The following DLGAP4 variants were observed in gnomAD, a reference collection of about 807,000 sequenced individuals.
DLGAP4 encodes disks large-associated protein 4.
In DLGAP4, 18 loss-of-function variants were observed where a neutral mutation model predicts 86.9. The ratio of observed to expected loss-of-function variants is 0.21; its 90% CI spans 0.14 to 0.31. DLGAP4 has a LOEUF of 0.31. Ranked by LOEUF, DLGAP4 falls within the 10% of genes least tolerant of loss-of-function variation. DLGAP4 has a pLI of 1.00. For missense variants in DLGAP4, 1,085 were observed against 1,362.6 expected, an observed-to-expected ratio of 0.80 and a Z score of 3.21; for synonymous variants, 548 against 574.3, an observed-to-expected ratio of 0.95 and a Z score of 0.65.
intron 7 of DLGAP4, among the ~76,000 whole-genome samples, chr20:36,467,064 C>CTCTCTCTCTCTCTCTCTCTCTCTCTCT (rs1555907464): frequency 8.5e-6 from 1 of 118,144 alleles, no homozygotes; most frequent in African/African-American, 4.9e-5. Flanking sequence ...CTCTCTCTCT[C>CTCTCTCTCTCTCTCTCTCTCTCTCTCT]CCCCCCCCTT....
rs1286692479 is a variant in DLGAP4, at chr20:36,486,817, G to A, written c.1649-9888G>A. ...AGTAGAGGCGGGGTTTCACCATGTTGGCCAGGCTGGTCTCAAACTCCTGAC... is the reference window on the plus strand; with the variant it reads ...AGTAGAGGCGGGGTTTCACCATGTTAGCCAGGCTGGTCTCAAACTCCTGAC... On this transcript the variant is annotated intron_variant, in intron 7 of 12. Transcript: ENST00000339266. 3.5e-4 allele frequency among the ~76,000 whole-genome samples: 53 copies of A among 152,040 alleles called. 1 individual carries two copies. Among genetic ancestry groups the A allele is most frequent in the Middle Eastern group, 3.4e-3 (1 of 294 alleles).
At chr20:36,487,426 G>A (rs1051289314) in intron 7 of DLGAP4, among the ~76,000 whole-genome samples, 7 of 152,168 alleles carry the variant, frequency 4.6e-5, no homozygotes, top group Admixed American at 3.9e-4. Context: ...CAGGAAGAAG[G>A]TGCCTCTGTT....
In DLGAP4 at chr20:36,482,734, T is replaced by C. The variant is rs561127919; in HGVS notation, c.1649-13971T>C. On this transcript the variant is annotated intron_variant, in intron 7 of 12. Coordinates refer to ENST00000339266, the MANE Select transcript of DLGAP4 (RefSeq NM_001365621.2). Reference sequence around the variant, plus strand: ...TTGTCCAGGCTGGAGTGCAGTGGCATGATCTTGGTTCACTACAACCTCTGT... The same window carrying C: ...TTGTCCAGGCTGGAGTGCAGTGGCACGATCTTGGTTCACTACAACCTCTGT... Among the ~76,000 whole-genome samples the C allele has an allele frequency of 2.6e-3, 399 of 152,262 alleles. 1 individual carries two copies. The highest frequency in any genetic ancestry group is 6.8e-3 in the Middle Eastern group (2 of 294).
At chr20:36,315,750 C>T (rs908295454) in intron 1 of DLGAP4, among the ~76,000 whole-genome samples, 33 of 152,118 alleles carry the variant, frequency 2.2e-4, no homozygotes, top group Non-Finnish European at 4.1e-4. Flanking sequence ...CAGAAGGTTC[C>T]AGAGCAGGGC....
At chr20:36,526,680 G>C in intron 12 of DLGAP4, 133 bp from the exon 13 acceptor site, 1 of 789,192 alleles carries the variant, frequency 1.3e-6, no homozygotes, top group Non-Finnish European at 2.0e-6. Flanking sequence ...CTGATTCCAA[G>C]TGTGTGTTGC....
chr20:36,521,969 C>T (rs1219773029), intron 10 of DLGAP4, among the ~76,000 whole-genome samples: 6 of 152,064 alleles, frequency 3.9e-5, no homozygotes, highest in Admixed American at 2.0e-4. Flanking sequence ...TTGTGAGAGA[C>T]GGGCCAGGAC....
intron 2 of DLGAP4, among the ~76,000 whole-genome samples, chr20:36,405,095 A>G (rs937129342): frequency 6.6e-6 from 1 of 152,158 alleles, no homozygotes; most frequent in Non-Finnish European, 1.5e-5. Flanking sequence ...TGGGCTAGAG[A>G]TGCTGCCACA....
chr20:36,372,214 C>T (rs1031704186), intron 2 of DLGAP4, among the ~76,000 whole-genome samples: 1 of 152,234 alleles, frequency 6.6e-6, no homozygotes, highest in Non-Finnish European at 1.5e-5. Flanking sequence ...CCTGACGGTG[C>T]TGCTGCTGTT....
At chr20:36,446,639 G>A (rs6012603) in intron 6 of DLGAP4, 58 bp from the exon 7 acceptor site, 34 of 1,520,330 alleles carry the variant, frequency 2.2e-5, no homozygotes, top group East Asian at 4.6e-5. Context: ...ACCAAGAACC[G>A]CTCCCCCCAG....
In DLGAP4 at chr20:36,526,868, C is replaced by T. The variant is rs116706769; in HGVS notation, c.2816C>T (p.Ala939Val). Residue 939 changes from alanine to valine, a missense_variant, in exon 13 of 13, where the codon GCA (alanine) becomes GTA (valine). Coordinates refer to ENST00000339266, the MANE Select transcript of DLGAP4 (RefSeq NM_001365621.2). ...AAGAAGCCAGCCAAATCCAAGCCGG[C>T]AGTGAGCCGCGACAAGGCCTCAGAC... ...VPKKPAKSKPAVSRDKASDAS... is the reference protein window; with the variant it reads ...VPKKPAKSKPVVSRDKASDAS... The T allele has an allele frequency of 2.1e-4, 331 of 1,612,544 alleles. 1 individual carries two copies. The East Asian group carries it at 6.4e-3, about 31-fold the overall frequency.
intron 7 of DLGAP4, among the ~76,000 whole-genome samples, chr20:36,455,494 C>A (rs2033857111): frequency 6.6e-6 from 1 of 152,200 alleles, no homozygotes; most frequent in South Asian, 2.1e-4. Context: ...CTTGGGCTCA[C>A]TCCCTGACAG....
At chr20:36,450,264 G>C (rs1479258043) in intron 7 of DLGAP4, among the ~76,000 whole-genome samples, 1 of 152,116 alleles carries the variant, frequency 6.6e-6, no homozygotes, top group African/African-American at 2.4e-5. Flanking sequence ...TTGGGAGGCC[G>C]AGGCAGGTGG....
chr20:36,447,932 A>C (rs1600543412), intron 7 of DLGAP4, among the ~76,000 whole-genome samples: 2 of 146,268 alleles, frequency 1.4e-5, no homozygotes, highest in African/African-American at 2.5e-5. Flanking sequence ...GAGGGAGAGC[A>C]TTAGGACAAA....
Position 36,528,198 on chromosome 20 carries a change from A to C in DLGAP4, c.*1167A>C, listed in dbSNP as rs1314647239. 2 of 130,148 alleles carry C rather than the reference A, an allele frequency of 1.5e-5. No individual in the cohort carries two copies. Among genetic ancestry groups the C allele is most frequent in the African/African-American group, 3.1e-5 (1 of 32,566 alleles). The allele number at this position is 130,148 out of a possible 1,614,324, so 8.1% of individuals were successfully genotyped here. Reference sequence around the variant, plus strand: ...CGCACTCCTAAGGGCCCATCTGCCCAGCCTCTGAGTTTTCTGTTCTATTTT... The same window carrying C: ...CGCACTCCTAAGGGCCCATCTGCCCCGCCTCTGAGTTTTCTGTTCTATTTT... On this transcript the variant is annotated 3_prime_UTR_variant, in exon 13 of 13. Transcript: ENST00000339266.
At chr20:36,465,929 T>C (rs999955475) in intron 7 of DLGAP4, among the ~76,000 whole-genome samples, 1 of 151,982 alleles carries the variant, frequency 6.6e-6, no homozygotes, top group Non-Finnish European at 1.5e-5. Context: ...AAATGCCACC[T>C]CCCCCAGGAA....
intron 10 of DLGAP4, among the ~76,000 whole-genome samples, chr20:36,513,629 T>C (rs924241326): frequency 1.1e-4 from 17 of 151,532 alleles, no homozygotes; most frequent in Admixed American, 3.3e-4. Context: ...GTACCTTCCA[T>C]TGGCACACAA....
At chr20:36,426,364 A>G (rs2147528505) in intron 2 of DLGAP4, among the ~76,000 whole-genome samples, 1 of 152,150 alleles carries the variant, frequency 6.6e-6, no homozygotes, top group South Asian at 2.1e-4. Context: ...AAAATACAAA[A>G]ATTAGCTGGG....
At chr20:36,455,083 C>G (rs1000450058) in intron 7 of DLGAP4, among the ~76,000 whole-genome samples, 3 of 152,104 alleles carry the variant, frequency 2.0e-5, no homozygotes, top group African/African-American at 7.2e-5. Context: ...CCAGTCTGCC[C>G]CCTCCTGCCT....
At chr20:36,477,066 G>T (rs143949405) in intron 7 of DLGAP4, among the ~76,000 whole-genome samples, 57 of 151,348 alleles carry the variant, frequency 3.8e-4, no homozygotes, top group Middle Eastern at 3.4e-3. Flanking sequence ...AACTCTTATG[G>T]TAGTGATTAA....
Sources: allele counts gnomAD v4.1 joint callset (sites outside exome capture counted in the v4.1 genomes callset), GRCh38; gene constraint gnomAD v4.1.1; transcripts MANE v1.5; gene names NCBI Gene and HGNC (gene_info 2026-07-23, HGNC 2026-07-21).